The following PGR variants were observed in gnomAD, a reference collection of about 807,000 sequenced individuals.
PGR encodes the protein nuclear receptor subfamily 3 group C member 3.
PGR carries 25 observed loss-of-function variants against 76.1 expected under a neutral mutation model. The ratio of observed to expected loss-of-function variants is 0.33; its 90% confidence interval spans 0.24 to 0.46. The LOEUF is 0.46. PGR is among the 20% of genes least tolerant of loss of function. The pLI is 1.00. For synonymous variants in PGR, 579 were observed against 535.0 expected (o/e 1.08, Z -1.14); for missense variants, 1,172 against 1,225.3 (o/e 0.96, Z 0.65).
At chr11:101,098,480 A>G (rs1364333704) in intron 2 of PGR, among the ~76,000 whole-genome samples, 1 of 152,222 alleles carries the variant, frequency 6.6e-6, no homozygotes, top group Non-Finnish European at 1.5e-5. Flanking sequence ...GGCTTGAAGC[A>G]ACATGAGCTG....
chr11:101,045,505 C>A (rs1206904167), intron 6 of PGR, among the ~76,000 whole-genome samples: 1 of 152,038 alleles, frequency 6.6e-6, no homozygotes, highest in Non-Finnish European at 1.5e-5. Context: ...TACTCTATGC[C>A]CATGTACATG....
At chr11:101,097,943 A>G (rs1861886408) in intron 2 of PGR, among the ~76,000 whole-genome samples, 1 of 151,750 alleles carries the variant, frequency 6.6e-6, no homozygotes, top group African/African-American at 2.4e-5. Context: ...CGTCTGGCTA[A>G]TTTTTTGTAT....
chr11:101,052,394 G>A (rs1223624946), intron 4 of PGR, among the ~76,000 whole-genome samples: 2 of 151,676 alleles, frequency 1.3e-5, no homozygotes, highest in Non-Finnish European at 2.9e-5. Context: ...GTGGCAGAAG[G>A]ATGGCAGGGA....
chr11:101,111,008 C>T (rs1196092954), intron 2 of PGR, among the ~76,000 whole-genome samples: 9 of 152,172 alleles, frequency 5.9e-5, no homozygotes, highest in Admixed American at 5.9e-4. Context: ...AAAGCTACTG[C>T]ACACTTAACA....
intron 2 of PGR, among the ~76,000 whole-genome samples, chr11:101,111,584 C>T (rs1862343851): frequency 6.6e-6 from 1 of 152,106 alleles, no homozygotes; most frequent in Non-Finnish European, 1.5e-5. Context: ...ATTTCTGGGT[C>T]CCTTTCTTAG....
At chr11:101,108,798 A>G (rs1435556631) in intron 2 of PGR, among the ~76,000 whole-genome samples, 17 of 152,226 alleles carry the variant, frequency 1.1e-4, no homozygotes, top group Admixed American at 1.1e-3. Flanking sequence ...ATACAAGCAT[A>G]TCGTATCTTA....
intron 3 of PGR, among the ~76,000 whole-genome samples, chr11:101,071,660 C>G (rs1860940942): frequency 6.6e-6 from 1 of 151,628 alleles, no homozygotes; most frequent in Non-Finnish European, 1.5e-5. Context: ...AAAAACACAG[C>G]ACAAGAACTG....
chr11:101,074,921 G>T (rs1290270556), intron 3 of PGR, among the ~76,000 whole-genome samples: 1 of 152,132 alleles, frequency 6.6e-6, no homozygotes, highest in Admixed American at 6.5e-5. Flanking sequence ...TAGATTCAAT[G>T]CTATCCCCAA....
intron 2 of PGR, among the ~76,000 whole-genome samples, chr11:101,110,627 A>G (rs1006819332): frequency 6.6e-6 from 1 of 152,096 alleles, no homozygotes; most frequent in Non-Finnish European, 1.5e-5. Flanking sequence ...AAATGACAAC[A>G]AAAGATTTAG....
chr11:101,100,141 T>C (rs1861953335), intron 2 of PGR, among the ~76,000 whole-genome samples: 1 of 152,160 alleles, frequency 6.6e-6, no homozygotes, highest in South Asian at 2.1e-4. Context: ...CCCCCCATGT[T>C]GTGGGAGGAA....
intron 1 of PGR, 99 bp downstream of exon 1, chr11:101,127,335 A>T: frequency 1.1e-6 from 1 of 881,178 alleles, no homozygotes; most frequent in South Asian, 2.1e-5. Flanking sequence ...CGGGGAGCGC[A>T]GCGGTGCGCT....
Position 101,038,817 on chromosome 11 carries a change from C to A in PGR, c.*299G>T. The A allele has an allele frequency of 3.8e-6, 1 of 260,802 alleles. No homozygotes were observed. 16.2% of individuals were successfully genotyped at this position (260,802 alleles called of 1,614,324 possible). A position where few individuals can be genotyped will look rare whatever the true frequency, so the allele number is the denominator to read the frequency against. ...TTGTTAGATGCAAAAGTTAAAAATC[C>A]TCACCTACATGGTATGAAATAATAT... On this transcript the variant is annotated 3_prime_UTR_variant, in exon 8 of 8. Coordinates refer to ENST00000325455, the MANE Select transcript of PGR (RefSeq NM_000926.4).
Position 101,093,938 on chromosome 11 carries a change from C to T in PGR, c.1790-2062G>A, listed in dbSNP as rs188220581. 4.3e-3 allele frequency among the ~76,000 whole-genome samples: 661 copies of T among 152,302 alleles called. 8 individuals are homozygous for T. The highest frequency in any genetic ancestry group is 0.015 in the African/African-American group (639 of 41,568). ...TCACTTACATTTCTAAAATGGCCTA[C>T]GATATCATCTCCTTATTCAGTGTCT... is the stretch of plus-strand genomic sequence containing the variant. On this transcript the variant is annotated intron_variant, in intron 2 of 7. Transcript: ENST00000325455.
chr11:101,048,308 G>A (rs1859961408), intron 6 of PGR, among the ~76,000 whole-genome samples: 1 of 152,168 alleles, frequency 6.6e-6, no homozygotes, highest in African/African-American at 2.4e-5. Context: ...GGTGAGAGTG[G>A]TGGTAGAGGA....
intron 4 of PGR, among the ~76,000 whole-genome samples, chr11:101,059,853 A>AG (rs1565337506): frequency 4.4e-5 from 6 of 136,724 alleles, no homozygotes; most frequent in Admixed American, 3.0e-4. Context: ...AAAAAAAAAA[A>AG]AAAAAAAAGA....
chr11:101,126,233 G>T, intron 1 of PGR, 75 bp from the exon 2 acceptor site: 1 of 1,370,040 alleles, frequency 7.3e-7, no homozygotes, highest in Non-Finnish European at 1.0e-6. Context: ...TCTTAAACCA[G>T]TATTAACAGG....
At chr11:101,126,213 A>G in intron 1 of PGR, 55 bp from the exon 2 acceptor site, 2 of 1,547,174 alleles carry the variant, frequency 1.3e-6, no homozygotes, top group South Asian at 1.1e-5. Context: ...ACTATCTAAT[A>G]CTAAAGGTTT....
At chr11:101,104,844 C>T (rs1179581946) in intron 2 of PGR, among the ~76,000 whole-genome samples, 1 of 151,988 alleles carries the variant, frequency 6.6e-6, no homozygotes, top group African/African-American at 2.4e-5. Context: ...TAGAATCTGG[C>T]TATTACTGAT....
chr11:101,077,936 C>T (rs1477081650), intron 3 of PGR, among the ~76,000 whole-genome samples: 3 of 152,022 alleles, frequency 2.0e-5, no homozygotes, highest in Non-Finnish European at 4.4e-5. Context: ...GTAGATCTTG[C>T]CTTAAAGAGG....
Sources: allele counts gnomAD v4.1 joint callset (sites outside exome capture counted in the v4.1 genomes callset), GRCh38; gene constraint gnomAD v4.1.1; transcripts MANE v1.5; gene names NCBI Gene and HGNC (gene_info 2026-07-23, HGNC 2026-07-21).